PRKAR2B: variants seen among roughly 807,000 people sequenced by gnomAD.
PRKAR2B encodes the protein cAMP-dependent protein kinase type II-beta regulatory subunit.
Under a neutral mutation model 49.9 loss-of-function variants are expected in PRKAR2B, and 14 were observed. The ratio of observed to expected loss-of-function variants is 0.28; its 90% CI spans 0.19 to 0.44. PRKAR2B has a LOEUF of 0.44. PRKAR2B is among the 20% of genes least tolerant of loss of function. The pLI, the probability that PRKAR2B is intolerant of heterozygous loss-of-function variation, is 1.00. For missense variants in PRKAR2B, 393 were observed against 537.9 expected (o/e 0.73, Z 2.67); for synonymous variants, 196 against 197.7 (o/e 0.99, Z 0.07).
intron 2 of PRKAR2B, among the ~76,000 whole-genome samples, chr7:107,090,450 A>G (rs554488810): frequency 2.0e-5 from 3 of 152,298 alleles, no homozygotes; most frequent in South Asian, 4.1e-4. Context: ...ATTTGCCCCT[A>G]TGGGGTCTGC....
intron 2 of PRKAR2B, among the ~76,000 whole-genome samples, chr7:107,094,067 G>A (rs1794788533): frequency 1.3e-5 from 2 of 152,190 alleles, no homozygotes; most frequent in African/African-American, 4.8e-5. Flanking sequence ...TCTGGTTCTA[G>A]ATCCTTGAGG....
rs1796134229 is a variant in PRKAR2B at position 107,158,307 on chromosome 7, AATAG to A, written c.1123+986_1123+989del. On this transcript the variant is annotated intron_variant, in intron 10 of 10. Transcript: ENST00000265717. ...GAAAGTCTGTTAATTTTTTTTCAAT[AATAG>A]ATTATTATACTCACATCAAAGAAAA... Among the ~76,000 whole-genome samples, 4 of 148,376 alleles carry A rather than the reference AATAG, an allele frequency of 2.7e-5. No homozygotes were observed. In the South Asian group the frequency reaches 8.6e-4, roughly 32 times the overall value.
rs116560550 is a variant in PRKAR2B, at chr7:107,149,383, A to G, written c.742-1539A>G. Among the ~76,000 whole-genome samples the G allele has an allele frequency of 8.8e-3, 1,340 of 152,240 alleles. 24 individuals carry two copies. Among genetic ancestry groups the G allele is most frequent in the African/African-American group, 0.03 (1,245 of 41,542 alleles). On this transcript the variant is annotated intron_variant, in intron 6 of 10. Coordinates refer to ENST00000265717, the MANE Select transcript of PRKAR2B (RefSeq NM_002736.3). ...TTATAGAATGGGTGGCTTAAGCAGC[A>G]TACATTTATTTCTCATGGTCTGGAC...
rs1796178656 is a variant in PRKAR2B, at chr7:107,160,471, C to T, written c.*889C>T. On this transcript the variant is annotated 3_prime_UTR_variant, in exon 11 of 11. Coordinates refer to ENST00000265717, the MANE Select transcript of PRKAR2B (RefSeq NM_002736.3). The stretch of plus-strand genomic sequence containing the variant: ...TACACCTAAAAAATCTCTCCTATCC[C>T]AAAAATAATGTGGGATCCTTATCAG... 6.6e-6 allele frequency: 1 copy of T among 152,084 alleles called. No homozygotes were observed. Among genetic ancestry groups the T allele is most frequent in the Non-Finnish European group, 1.5e-5 (1 of 68,008 alleles). The allele number at this position is 152,084 out of a possible 1,614,324, so 9.4% of individuals were successfully genotyped here.
chr7:107,150,804 AATG>A (rs914820273), intron 6 of PRKAR2B, 115 bp from the exon 7 acceptor site: 12 of 587,716 alleles, frequency 2.0e-5, no homozygotes, highest in Non-Finnish European at 3.3e-5. Context: ...TTAAAAGTAT[AATG>A]ATGTTAATCT....
intron 1 of PRKAR2B, among the ~76,000 whole-genome samples, chr7:107,062,129 A>C (rs1022792435): frequency 2.6e-5 from 4 of 152,160 alleles, no homozygotes; most frequent in African/African-American, 9.7e-5. Flanking sequence ...TATGTTATAA[A>C]GTTAAGCATT....
At chr7:107,054,155 C>CTGAT (rs995864799) in intron 1 of PRKAR2B, among the ~76,000 whole-genome samples, 3 of 152,118 alleles carry the variant, frequency 2.0e-5, no homozygotes, top group African/African-American at 7.2e-5. Context: ...CGAGACCATC[C>CTGAT]TGACTAACTT....
chr7:107,068,878 A>T (rs1406045148), intron 1 of PRKAR2B: 1 of 152,180 alleles, frequency 6.6e-6, no homozygotes, highest in Non-Finnish European at 1.5e-5. Flanking sequence ...TCTAAAACAA[A>T]TTAATAATTT....
chr7:107,152,073 G>A (rs1013033828), intron 7 of PRKAR2B, among the ~76,000 whole-genome samples: 9 of 152,038 alleles, frequency 5.9e-5, no homozygotes, highest in African/African-American at 2.2e-4. Flanking sequence ...CTCTTTCCCC[G>A]CAGATGGCAA....
intron 1 of PRKAR2B, among the ~76,000 whole-genome samples, chr7:107,064,270 A>G (rs758889556): frequency 2.0e-5 from 3 of 152,210 alleles, no homozygotes; most frequent in Non-Finnish European, 4.4e-5. Flanking sequence ...AAGCAAAAAT[A>G]TGTTTTTTTC....
chr7:107,088,636 G>A (rs971836834), intron 2 of PRKAR2B, among the ~76,000 whole-genome samples: 1 of 152,058 alleles, frequency 6.6e-6, no homozygotes, highest in African/African-American at 2.4e-5. Context: ...CTCTTGCTCT[G>A]TTTCCCAGGC....
At chr7:107,055,208 A>G (rs1358772082) in intron 1 of PRKAR2B, among the ~76,000 whole-genome samples, 6 of 152,128 alleles carry the variant, frequency 3.9e-5, no homozygotes, top group East Asian at 3.9e-4. Context: ...AATCCAGTCT[A>G]TCATTGTTGG....
At position 107,161,804 on chromosome 7, in the gene PRKAR2B, A is replaced by G. The variant is rs1796203210; in HGVS notation, c.*2222A>G. The G allele has an allele frequency of 6.6e-6, 1 of 152,208 alleles. No homozygotes were observed. The highest frequency in any genetic ancestry group is 2.1e-4 in the South Asian group (1 of 4,828). 9.4% of individuals were successfully genotyped at this position (152,208 alleles called of 1,614,324 possible). A position where few individuals can be genotyped will look rare whatever the true frequency, so the allele number is the denominator to read the frequency against. On this transcript the variant is annotated 3_prime_UTR_variant, in exon 11 of 11. Coordinates refer to ENST00000265717, the MANE Select transcript of PRKAR2B (RefSeq NM_002736.3). ...TAAAATTATCTGATTAAAACAGCTC[A>G]AGTTTGACTTGTGGATGTCATTATT... is the stretch of plus-strand genomic sequence containing the variant.
chr7:107,104,175 C>T (rs1349933868), intron 2 of PRKAR2B, among the ~76,000 whole-genome samples: 1 of 152,070 alleles, frequency 6.6e-6, no homozygotes, highest in African/African-American at 2.4e-5. Flanking sequence ...AGGACTACAG[C>T]TGCATGCCAC....
At chr7:107,076,742 C>G (rs191427311) in intron 2 of PRKAR2B, among the ~76,000 whole-genome samples, 1 of 152,250 alleles carries the variant, frequency 6.6e-6, no homozygotes, top group African/African-American at 2.4e-5. Context: ...TTTAACAGAA[C>G]TAAAATTTTA....
intron 1 of PRKAR2B, among the ~76,000 whole-genome samples, chr7:107,052,303 A>G (rs1793822507): frequency 6.6e-6 from 1 of 152,126 alleles, no homozygotes; most frequent in African/African-American, 2.4e-5. Context: ...CCTTAATCCC[A>G]GCTGCTTGGG....
At chr7:107,073,317 C>T (rs962663856) in intron 2 of PRKAR2B, among the ~76,000 whole-genome samples, 1 of 147,236 alleles carries the variant, frequency 6.8e-6, no homozygotes, top group Admixed American at 6.7e-5. Context: ...CTCTCGTCTT[C>T]CTCATGTGTT....
chr7:107,141,917 T>C (rs528149684), intron 5 of PRKAR2B, among the ~76,000 whole-genome samples: 12 of 152,228 alleles, frequency 7.9e-5, no homozygotes, highest in Non-Finnish European at 1.6e-4. Flanking sequence ...TTTCAGGAAA[T>C]TTAAGTTGTG....
chr7:107,062,730 A>G (rs1453205778), intron 1 of PRKAR2B, among the ~76,000 whole-genome samples: 2 of 151,962 alleles, frequency 1.3e-5, no homozygotes, highest in African/African-American at 4.8e-5. Flanking sequence ...AAATGTGGAC[A>G]CTCTTGAAAT....
Sources: allele counts gnomAD v4.1 joint callset (sites outside exome capture counted in the v4.1 genomes callset), GRCh38; gene constraint gnomAD v4.1.1; transcripts MANE v1.5; gene names NCBI Gene and HGNC (gene_info 2026-07-23, HGNC 2026-07-21).